Variants in WDFY4 observed in about 807,000 individuals in gnomAD.
The protein encoded by WDFY4 is WD repeat- and FYVE domain-containing protein 4.
A neutral mutation model predicts 351.9 loss-of-function variants in WDFY4; 169 were observed. That is an observed-to-expected ratio of 0.48 (90% CI 0.42 to 0.55). WDFY4 has a LOEUF of 0.55. WDFY4 is among the 20% of genes least tolerant of loss of function. The pLI is 0.00. For missense variants in WDFY4, 3,803 were observed against 3,935.6 expected, an observed-to-expected ratio of 0.97 and a Z score of 0.90; for synonymous variants, 1,622 against 1,574.6, an observed-to-expected ratio of 1.03 and a Z score of -0.71.
chr10:48,780,202 G>A, intron 19 of WDFY4, 83 bp downstream of exon 19: 2 of 1,467,076 alleles, frequency 1.4e-6, no homozygotes, highest in South Asian at 1.3e-5. Context: ...TTCATTCTAT[G>A]TTTTTGTTGT....
intron 39 of WDFY4, among the ~76,000 whole-genome samples, chr10:48,855,319 T>G (rs1399523776): frequency 6.6e-6 from 1 of 152,154 alleles, no homozygotes. Context: ...CCAGTCTCTA[T>G]CACCTTCTTC....
At chr10:48,976,701 TGA>T in intron 58 of WDFY4, 94 bp from the exon 59 acceptor site, 3 of 1,144,648 alleles carry the variant, frequency 2.6e-6, no homozygotes, top group Non-Finnish European at 3.4e-6. Context: ...CATGACAGAT[TGA>T]GAGTACTTGG....
chr10:48,875,528 C>T (rs1463988202), intron 42 of WDFY4, among the ~76,000 whole-genome samples: 4 of 152,204 alleles, frequency 2.6e-5, no homozygotes, highest in South Asian at 4.1e-4. Context: ...AATCCTCCTG[C>T]CTCAGCCTCC....
intron 42 of WDFY4, among the ~76,000 whole-genome samples, chr10:48,876,681 C>T (rs1056525601): frequency 3.3e-5 from 5 of 152,148 alleles, no homozygotes; most frequent in Admixed American, 3.3e-4. Flanking sequence ...AAGTGAAATT[C>T]AGAGAAAGCA....
intron 39 of WDFY4, among the ~76,000 whole-genome samples, chr10:48,841,397 ATTTT>A (rs546084851): frequency 1.4e-5 from 2 of 141,636 alleles, no homozygotes; most frequent in Admixed American, 1.4e-4. Flanking sequence ...ATCACAACTG[ATTTT>A]TTTTTTTTCG....
chr10:48,905,438 G>A (rs1215734483), intron 47 of WDFY4, among the ~76,000 whole-genome samples: 2 of 152,298 alleles, frequency 1.3e-5, no homozygotes, highest in African/African-American at 2.4e-5. Context: ...GCCAACCTGT[G>A]TACCACCTTG....
At chr10:48,790,975 A>G (rs2066658706) in intron 23 of WDFY4, 58 bp downstream of exon 23, 1 of 1,529,920 alleles carries the variant, frequency 6.5e-7, no homozygotes, top group East Asian at 2.5e-5. Context: ...ATCCCTGGGA[A>G]ACAGGGACAA....
chr10:48,838,894 C>T (rs2068499977), intron 39 of WDFY4, among the ~76,000 whole-genome samples: 1 of 152,208 alleles, frequency 6.6e-6, no homozygotes, highest in African/African-American at 2.4e-5. Context: ...CAAGTAGCAC[C>T]TGGTCTTGCT....
chr10:48,857,862 G>A (rs1033918835), intron 39 of WDFY4, among the ~76,000 whole-genome samples: 2 of 151,490 alleles, frequency 1.3e-5, no homozygotes, highest in East Asian at 3.9e-4. Flanking sequence ...GTGCAGTCTC[G>A]GCTCACTGCA....
At chr10:48,939,890 G>A (rs150430620) in intron 47 of WDFY4, among the ~76,000 whole-genome samples, 67 of 152,320 alleles carry the variant, frequency 4.4e-4, no homozygotes, top group African/African-American at 1.4e-3. Flanking sequence ...CATTCCACCT[G>A]ATAGTAACAT....
intron 13 of WDFY4, among the ~76,000 whole-genome samples, chr10:48,766,219 A>G (rs543017345): frequency 4.9e-4 from 75 of 152,310 alleles, no homozygotes; most frequent in African/African-American, 1.7e-3. Flanking sequence ...CCTTACACAA[A>G]GTATTTCTGT....
At chr10:48,731,018 C>A in intron 8 of WDFY4, 92 bp from the exon 9 acceptor site, 3 of 1,362,678 alleles carry the variant, frequency 2.2e-6, no homozygotes, top group Non-Finnish European at 2.9e-6. Context: ...ACAGAAACTT[C>A]AAATGGCATG....
chr10:48,932,005 G>A (rs1162584071), intron 47 of WDFY4, among the ~76,000 whole-genome samples: 1 of 152,210 alleles, frequency 6.6e-6, no homozygotes, highest in African/African-American at 2.4e-5. Flanking sequence ...AGGCTGCAGG[G>A]AGCATGGGAG....
intron 51 of WDFY4, among the ~76,000 whole-genome samples, chr10:48,949,415 C>A (rs1045055056): frequency 6.6e-6 from 1 of 152,218 alleles, no homozygotes; most frequent in Non-Finnish European, 1.5e-5. Flanking sequence ...ACACCAGGCT[C>A]CTCTTTGAGA....
chr10:48,929,809 C>G (rs1214221761), intron 47 of WDFY4, among the ~76,000 whole-genome samples: 1 of 152,156 alleles, frequency 6.6e-6, no homozygotes, highest in Non-Finnish European at 1.5e-5. Context: ...GGCTGACAGC[C>G]TTGGCCTCCT....
chr10:48,915,278 C>T (rs1838409339), intron 47 of WDFY4, among the ~76,000 whole-genome samples: 1 of 152,134 alleles, frequency 6.6e-6, no homozygotes. Flanking sequence ...TAACAAGGTC[C>T]ACAGCATTAC....
intron 39 of WDFY4, among the ~76,000 whole-genome samples, chr10:48,851,114 C>T (rs2068942754): frequency 6.6e-6 from 1 of 152,156 alleles, no homozygotes; most frequent in Admixed American, 6.5e-5. Flanking sequence ...TATGGAAGGG[C>T]ATCTGGCCAG....
At chr10:48,802,749 T>C (rs561902306) in intron 24 of WDFY4, 250 of 471,426 alleles carry the variant, frequency 5.3e-4, no homozygotes, top group Admixed American at 7.5e-4. Flanking sequence ...GATGACACTG[T>C]GGTTTGGGCT....
Position 48,867,719 on chromosome 10 carries a change from CTG to C in WDFY4, c.6741+380_6741+381del, listed in dbSNP as rs535853058. Among the ~76,000 whole-genome samples the C allele has an allele frequency of 1.4e-4, 22 of 152,312 alleles. No homozygotes were observed. The East Asian group carries it at 4.0e-3, about 28-fold the overall frequency. On this transcript the variant is annotated intron_variant, in intron 40 of 61. Coordinates refer to ENST00000325239, the MANE Select transcript of WDFY4 (RefSeq NM_001394531.1). The stretch of plus-strand genomic sequence containing the variant: ...TAAAAGCAAGTGTGAAGCACCCAGA[CTG>C]TGGCTGATAGAGAATGGATAACCCA...
Sources: allele counts gnomAD v4.1 joint callset (sites outside exome capture counted in the v4.1 genomes callset), GRCh38; gene constraint gnomAD v4.1.1; transcripts MANE v1.5; gene names NCBI Gene and HGNC (gene_info 2026-07-23, HGNC 2026-07-21).